The following FHIT variants were observed in gnomAD, a reference collection of about 807,000 sequenced individuals.
FHIT encodes bis(5'-adenosyl)-triphosphatase.
A neutral mutation model predicts 17.9 loss-of-function variants in FHIT; 19 were observed. That is an observed-to-expected ratio of 1.06 (90% CI 0.74 to 1.56). The LOEUF is 1.56. Ranked by LOEUF, FHIT falls within the 40% of genes most tolerant of loss-of-function variation. The pLI is 0.00. For missense variants in FHIT, 248 were observed against 189.2 expected (o/e 1.31, Z -1.82); for synonymous variants, 81 against 69.7 (o/e 1.16, Z -0.81).
intron 7 of FHIT, among the ~76,000 whole-genome samples, chr3:59,964,240 T>C (rs1707819917): frequency 6.6e-6 from 1 of 152,126 alleles, no homozygotes; most frequent in Admixed American, 6.5e-5. Flanking sequence ...ACCCAGAAAA[T>C]TCCTTTGCAT....
intron 5 of FHIT, among the ~76,000 whole-genome samples, chr3:60,219,581 TAAAC>T (rs957207389): frequency 5.9e-5 from 9 of 152,132 alleles, no homozygotes; most frequent in South Asian, 2.1e-4. Context: ...AATATATAAT[TAAAC>T]AGACAGAGGG....
intron 5 of FHIT, among the ~76,000 whole-genome samples, chr3:60,440,356 G>T (rs970708075): frequency 1.3e-5 from 2 of 152,020 alleles, no homozygotes; most frequent in Non-Finnish European, 2.9e-5. Context: ...CTGGAAGATG[G>T]TATATAAATG....
intron 1 of FHIT, among the ~76,000 whole-genome samples, chr3:61,222,533 T>C (rs962400658): frequency 7.9e-5 from 12 of 152,182 alleles, no homozygotes; most frequent in Non-Finnish European, 1.6e-4. Context: ...GCAGCGTTAT[T>C]CTGAGTGATA....
intron 5 of FHIT, among the ~76,000 whole-genome samples, chr3:60,441,812 A>G (rs1212423859): frequency 9.4e-6 from 1 of 106,000 alleles, no homozygotes; most frequent in Non-Finnish European, 1.9e-5. Flanking sequence ...ATATATATAT[A>G]TATCAGGTCA....
intron 5 of FHIT, among the ~76,000 whole-genome samples, chr3:60,397,937 C>A (rs1701514558): frequency 1.3e-5 from 2 of 152,154 alleles, no homozygotes; most frequent in South Asian, 2.1e-4. Flanking sequence ...TCAGCACACA[C>A]TCCCTTTACT....
rs766055954 is a variant in FHIT at position 60,148,672 on chromosome 3, G to A, written c.104-134520C>T. ...AGTTAAAGACCAAATATCTGCCAGTGTTCCCAATAAGGAAAGATAACTAAG... is the reference window on the plus strand; with the variant it reads ...AGTTAAAGACCAAATATCTGCCAGTATTCCCAATAAGGAAAGATAACTAAG... On this transcript the variant is annotated intron_variant, in intron 5 of 9. Coordinates refer to ENST00000492590, the MANE Select transcript of FHIT (RefSeq NM_002012.4). 5.9e-5 allele frequency among the ~76,000 whole-genome samples: 9 copies of A among 152,250 alleles called. No homozygotes were observed. The South Asian group carries it at 8.3e-4, about 14-fold the overall frequency.
At chr3:60,306,752 TG>T (rs935643352) in intron 5 of FHIT, among the ~76,000 whole-genome samples, 11 of 152,148 alleles carry the variant, frequency 7.2e-5, no homozygotes, top group African/African-American at 2.7e-4. Flanking sequence ...ACACATTACA[TG>T]ATTTTACAAA....
chr3:60,392,563 C>A (rs1248263001), intron 5 of FHIT, among the ~76,000 whole-genome samples: 1 of 152,202 alleles, frequency 6.6e-6, no homozygotes, highest in Non-Finnish European at 1.5e-5. Context: ...ACCATTCTGA[C>A]TGAAAAACTA....
At chr3:60,171,139 G>A (rs1338375899) in intron 5 of FHIT, among the ~76,000 whole-genome samples, 2 of 152,008 alleles carry the variant, frequency 1.3e-5, no homozygotes, top group African/African-American at 4.8e-5. Flanking sequence ...ACTTTATCTT[G>A]CTTTTCTTTT....
At chr3:61,122,887 G>A (rs757725713) in intron 2 of FHIT, among the ~76,000 whole-genome samples, 18 of 152,154 alleles carry the variant, frequency 1.2e-4, no homozygotes, top group South Asian at 2.1e-4. Flanking sequence ...AAATAGGAAT[G>A]CTTTTACACT....
At chr3:60,619,632 CTAGA>C (rs1290331344) in intron 4 of FHIT, among the ~76,000 whole-genome samples, 17 of 116,808 alleles carry the variant, frequency 1.5e-4, no homozygotes, top group South Asian at 7.9e-4. Flanking sequence ...AAAAAAGAAT[CTAGA>C]CAAAGACCTC....
chr3:61,159,229 T>G (rs1158959202), intron 2 of FHIT, among the ~76,000 whole-genome samples: 1 of 152,214 alleles, frequency 6.6e-6, no homozygotes, highest in East Asian at 1.9e-4. Context: ...TCCATGGAGT[T>G]TTTTATCCAA....
intron 4 of FHIT, among the ~76,000 whole-genome samples, chr3:60,787,063 A>G (rs80152519): frequency 1.2e-4 from 18 of 151,870 alleles, no homozygotes; most frequent in Non-Finnish European, 2.4e-4. Flanking sequence ...ATCCTTAAAT[A>G]TTTTACTCCT....
At chr3:60,243,158 A>C (rs181321322) in intron 5 of FHIT, among the ~76,000 whole-genome samples, 1 of 152,094 alleles carries the variant, frequency 6.6e-6, no homozygotes, top group Admixed American at 6.6e-5. Flanking sequence ...GTCTATGATT[A>C]AACAGAAATA....
chr3:60,577,923 T>C (rs890597719), intron 4 of FHIT, among the ~76,000 whole-genome samples: 17 of 152,118 alleles, frequency 1.1e-4, no homozygotes, highest in Non-Finnish European at 2.2e-4. Context: ...TCAAATTTCA[T>C]AGCACGCTCT....
At chr3:60,489,771 T>A (rs2033987047) in intron 5 of FHIT, among the ~76,000 whole-genome samples, 1 of 152,202 alleles carries the variant, frequency 6.6e-6, no homozygotes, top group Admixed American at 6.5e-5. Context: ...AATGTCTTTT[T>A]CAGTTTTGGC....
At chr3:60,152,113 A>C (rs1281191987) in intron 5 of FHIT, among the ~76,000 whole-genome samples, 1 of 152,180 alleles carries the variant, frequency 6.6e-6, no homozygotes, top group African/African-American at 2.4e-5. Flanking sequence ...AGATCCTACA[A>C]GGTCTAATAA....
intron 4 of FHIT, among the ~76,000 whole-genome samples, chr3:60,614,726 C>T (rs961352395): frequency 6.6e-6 from 1 of 151,800 alleles, no homozygotes; most frequent in Non-Finnish European, 1.5e-5. Flanking sequence ...TCCTACTGGA[C>T]CTGAAGGTGA....
intron 8 of FHIT, among the ~76,000 whole-genome samples, chr3:59,903,592 CT>C (rs1704436236): frequency 6.6e-6 from 1 of 152,090 alleles, no homozygotes. Context: ...CCCTGTTATT[CT>C]GAGAATTAAA....
Sources: allele counts gnomAD v4.1 joint callset (sites outside exome capture counted in the v4.1 genomes callset), GRCh38; gene constraint gnomAD v4.1.1; transcripts MANE v1.5; gene names NCBI Gene and HGNC (gene_info 2026-07-23, HGNC 2026-07-21).